The following ELF1 variants were observed in gnomAD, a reference collection of about 807,000 sequenced individuals.
ELF1 encodes the protein E74 like ETS transcription factor 1.
Under a neutral mutation model 59.9 loss-of-function variants are expected in ELF1, and 24 were observed. The ratio of observed to expected loss-of-function variants is 0.40; its 90% CI spans 0.29 to 0.56. The LOEUF is 0.56. Among genes scored for constraint, ELF1 ranks in the 20% least tolerant of loss-of-function variants. The pLI, the probability that ELF1 is intolerant of heterozygous loss-of-function variation, is 0.44. For synonymous variants in ELF1, 248 were observed against 266.2 expected, an observed-to-expected ratio of 0.93 and a Z score of 0.67; for missense variants, 627 against 742.2, an observed-to-expected ratio of 0.84 and a Z score of 1.80.
chr13:41,002,440 C>T (rs1225000247), intron 1 of ELF1, among the ~76,000 whole-genome samples: 1 of 151,828 alleles, frequency 6.6e-6, no homozygotes, highest in African/African-American at 2.4e-5. Context: ...GCCAAGAATT[C>T]GAGACCAGCC....
intron 1 of ELF1, among the ~76,000 whole-genome samples, chr13:41,026,856 G>A (rs561660343): frequency 2.0e-5 from 3 of 152,334 alleles, no homozygotes; most frequent in South Asian, 4.1e-4. Context: ...AATGCCCATG[G>A]TTCCTGGTGC....
chr13:40,996,441 C>T (rs993083788), intron 1 of ELF1, among the ~76,000 whole-genome samples: 1 of 152,190 alleles, frequency 6.6e-6, no homozygotes, highest in Non-Finnish European at 1.5e-5. Context: ...AACTGTAGTG[C>T]ATCCACATAA....
At chr13:40,962,396 A>G (rs7329302) in intron 2 of ELF1, among the ~76,000 whole-genome samples, 63,659 of 151,932 alleles carry the variant, frequency 0.42, 15,539 homozygotes, top group East Asian at 0.77. Flanking sequence ...TTAAAAAAAG[A>G]GAGTGGCCAG....
In ELF1 at chr13:40,941,110, T is replaced by C; in HGVS notation, c.1067A>G (p.Lys356Arg). 6.2e-7 allele frequency: 1 copy of C among 1,614,166 alleles called. No individual in the cohort carries two copies. Among genetic ancestry groups the C allele is most frequent in the Non-Finnish European group, 8.5e-7 (1 of 1,180,032 alleles). The change falls in exon 8 of 9, where the codon AAA (lysine) becomes AGA (arginine). Residue 356 changes from lysine (K) to arginine (R), a missense_variant. Around this residue, in one of 3 missense-constraint regions of ELF1, gnomAD observed 361 missense variants for 396.1 expected, o/e 0.91. Transcript: ENST00000239882. The part of the protein sequence containing the change: ...KPGNSKAAKP[K>R]DPVEVAQPSE... ...TGGTTGTGCAACTTCCACAGGATCT[T>C]TGGGTTTTGCAGCTTTAGAATTCCC...
At chr13:40,971,260 C>A (rs1384095310) in intron 2 of ELF1, among the ~76,000 whole-genome samples, 1 of 151,982 alleles carries the variant, frequency 6.6e-6, no homozygotes, top group Non-Finnish European at 1.5e-5. Context: ...AGTTTGTTTT[C>A]TTTTTCTTTT....
intron 2 of ELF1, among the ~76,000 whole-genome samples, chr13:40,977,700 C>T (rs1013912990): frequency 6.6e-6 from 1 of 151,818 alleles, no homozygotes; most frequent in Non-Finnish European, 1.5e-5. Flanking sequence ...GTTAAAAATC[C>T]CAACAGGGTT....
rs767725443 is a variant in ELF1, at chr13:40,941,239, G to C, written c.938C>G (p.Pro313Arg). The C allele has an allele frequency of 6.2e-7, 1 of 1,614,142 alleles. No individual in the cohort carries two copies. Among genetic ancestry groups the C allele is most frequent in the South Asian group, 1.1e-5 (1 of 91,086 alleles). Reference protein sequence around the residue: ...DPSSSIESSDPSLSSSATSNR... With the variant: ...DPSSSIESSDRSLSSSATSNR... Reference sequence around the variant, plus strand: ...TGAAGTGGCTGATGAAGATAGCGATGGATCTGAAGACTCTATGCTGGAACT... The same window carrying C: ...TGAAGTGGCTGATGAAGATAGCGATCGATCTGAAGACTCTATGCTGGAACT... Residue 313 changes from proline (P) to arginine (R), a missense_variant, in exon 8 of 9, where the codon CCA (proline) becomes CGA (arginine). By Grantham distance (103) the Pro-to-Arg change is moderately radical (BLOSUM62 -2). Transcript: ENST00000239882.
chr13:40,997,507 T>G (rs184038620), intron 1 of ELF1, among the ~76,000 whole-genome samples: 5 of 152,060 alleles, frequency 3.3e-5, no homozygotes, highest in Admixed American at 2.6e-4. Context: ...CCACCCACCT[T>G]GGCCTCCCAA....
intron 1 of ELF1, among the ~76,000 whole-genome samples, chr13:41,038,226 A>AT (rs1184599187): frequency 8.5e-5 from 13 of 152,346 alleles, no homozygotes; most frequent in Admixed American, 3.3e-4. Context: ...GAGGTGGCTC[A>AT]TGTCTGTAAT....
At chr13:41,045,780 T>C (rs922459658) in intron 1 of ELF1, among the ~76,000 whole-genome samples, 1 of 152,228 alleles carries the variant, frequency 6.6e-6, no homozygotes, top group African/African-American at 2.4e-5. Context: ...GAGAGTTCTG[T>C]AGATGTCTAT....
In ELF1 at chr13:40,975,857, A is replaced by G. The variant is rs571946715; in HGVS notation, c.72+6126T>C. ...ATCACTTATTCAACAGATTTTAAAAAGAAAAAAAATCTTTAAGAGGACTCA... is the reference window on the plus strand; with the variant it reads ...ATCACTTATTCAACAGATTTTAAAAGGAAAAAAAATCTTTAAGAGGACTCA... On this transcript the variant is annotated intron_variant, in intron 2 of 8. Transcript: ENST00000239882. Among the ~76,000 whole-genome samples, 4 of 152,350 alleles carry G rather than the reference A, an allele frequency of 2.6e-5. No individual in the cohort carries two copies. In the South Asian group the frequency reaches 8.3e-4, roughly 32 times the overall value.
intron 1 of ELF1, among the ~76,000 whole-genome samples, chr13:41,012,440 GA>G (rs1473624941): frequency 1.3e-5 from 2 of 150,116 alleles, no homozygotes; most frequent in South Asian, 4.2e-4. Context: ...TTGTTTTTAA[GA>G]AAAAAAGGTC....
chr13:41,038,386 T>C (rs1181978746), intron 1 of ELF1, among the ~76,000 whole-genome samples: 1 of 151,980 alleles, frequency 6.6e-6, no homozygotes, highest in Non-Finnish European at 1.5e-5. Context: ...GCATGGTGGC[T>C]CAAGCCTATG....
At chr13:41,041,510 A>G (rs1200023786) in intron 1 of ELF1, among the ~76,000 whole-genome samples, 1 of 152,084 alleles carries the variant, frequency 6.6e-6, no homozygotes, top group African/African-American at 2.4e-5. Flanking sequence ...TTGTCTCTAC[A>G]AACAACACAG....
intron 4 of ELF1, 57 bp from the exon 5 acceptor site, chr13:40,950,030 G>A (rs9590564): frequency 0.031 from 42,610 of 1,394,474 alleles, 769 homozygotes; most frequent in Non-Finnish European, 0.037. Flanking sequence ...GTTAAAAAAC[G>A]ATTGAGAAAA....
At chr13:41,016,753 A>G (rs998145461) in intron 1 of ELF1, among the ~76,000 whole-genome samples, 5 of 150,986 alleles carry the variant, frequency 3.3e-5, no homozygotes, top group African/African-American at 1.2e-4. Context: ...TGTCTCTACT[A>G]AAAATACAAA....
chr13:41,044,334 T>C (rs1855068979), intron 1 of ELF1, among the ~76,000 whole-genome samples: 1 of 152,162 alleles, frequency 6.6e-6, no homozygotes, highest in African/African-American at 2.4e-5. Flanking sequence ...CAACACTATG[T>C]GGAATAGGAG....
chr13:40,947,393 T>C (rs7997672), intron 5 of ELF1, among the ~76,000 whole-genome samples: 30,155 of 152,028 alleles, frequency 0.2, 3,512 homozygotes, highest in African/African-American at 0.31. Context: ...AATACAAAAA[T>C]CAGCCAGGTG....
intron 2 of ELF1, among the ~76,000 whole-genome samples, chr13:40,967,906 A>C (rs1425949802): frequency 6.6e-6 from 1 of 151,870 alleles, no homozygotes. Flanking sequence ...TTTGTTTATT[A>C]ATTATTTTTT....
Sources: allele counts gnomAD v4.1 joint callset (sites outside exome capture counted in the v4.1 genomes callset), GRCh38; gene constraint gnomAD v4.1.1; regional missense constraint gnomAD v4.1.1; transcripts MANE v1.5; gene names NCBI Gene and HGNC (gene_info 2026-07-23, HGNC 2026-07-21).